MGLL: variants seen among roughly 807,000 people sequenced by gnomAD.
MGLL encodes the protein lysophospholipase homolog.
A neutral mutation model predicts 29.1 loss-of-function variants in MGLL; 7 were observed. The observed-to-expected ratio is 0.24, with a 90% confidence interval of 0.14 to 0.45. The LOEUF (loss-of-function observed/expected upper bound fraction) is 0.45, where lower values mean the gene tolerates loss of function less well. Ranked by LOEUF, MGLL falls within the 20% of genes least tolerant of loss-of-function variation. The probability of loss-of-function intolerance (pLI) is 0.99; values close to 1 mark genes in which losing one functional copy is unlikely to be tolerated. For synonymous variants in MGLL, 148 were observed against 168.3 expected, an observed-to-expected ratio of 0.88 and a Z score of 0.93; for missense variants, 356 against 413.6, an observed-to-expected ratio of 0.86 and a Z score of 1.21.
In MGLL at chr3:127,721,297, G is replaced by T. The variant is rs569450829; in HGVS notation, c.400-134C>A. On this transcript the variant is annotated intron_variant, in intron 4 of 7. Coordinates refer to ENST00000265052, the MANE Select transcript of MGLL (RefSeq NM_007283.7). Reference sequence around the variant, plus strand: ...CCTGAGGAGGACTACCTTGGAAGAGGCACCATCAAATGTTGGCTAAACTAG... The same window carrying T: ...CCTGAGGAGGACTACCTTGGAAGAGTCACCATCAAATGTTGGCTAAACTAG... 1.7e-4 allele frequency: 118 copies of T among 714,328 alleles called. No homozygotes were observed. In the African/African-American group the frequency reaches 2.0e-3, roughly 12 times the overall value. 44.2% of individuals were successfully genotyped at this position (714,328 alleles called of 1,614,324 possible). A position where few individuals can be genotyped will look rare whatever the true frequency, so the allele number is the denominator to read the frequency against.
At chr3:127,711,672 G>A (rs1477699048) in intron 5 of MGLL, 1 of 152,066 alleles carries the variant, frequency 6.6e-6, no homozygotes, top group African/African-American at 2.4e-5. Flanking sequence ...AGAGGGCAAG[G>A]GCACTCACAG....
intron 2 of MGLL, among the ~76,000 whole-genome samples, chr3:127,797,798 G>A (rs139301283): frequency 6.6e-6 from 1 of 152,118 alleles, no homozygotes; most frequent in African/African-American, 2.4e-5. Context: ...GTAGAGACAG[G>A]GTTTCACCAT....
intron 6 of MGLL, among the ~76,000 whole-genome samples, chr3:127,702,320 G>T (rs562125902): frequency 2.0e-5 from 3 of 152,324 alleles, no homozygotes; most frequent in Non-Finnish European, 4.4e-5. Context: ...TGCCTGCAGG[G>T]TGGCAGAGGG....
intron 3 of MGLL, among the ~76,000 whole-genome samples, chr3:127,726,442 T>G (rs1415941026): frequency 6.6e-6 from 1 of 152,106 alleles, no homozygotes; most frequent in Non-Finnish European, 1.5e-5. Context: ...TTTTTTTTTA[T>G]TTTTTATTTT....
intron 6 of MGLL, among the ~76,000 whole-genome samples, chr3:127,697,284 G>A (rs1043990618): frequency 1.3e-5 from 2 of 152,230 alleles, no homozygotes; most frequent in Non-Finnish European, 2.9e-5. Flanking sequence ...ACCAACAGCA[G>A]CGCCATCTAC....
chr3:127,743,429 T>A (rs1223144634), intron 3 of MGLL, among the ~76,000 whole-genome samples: 1 of 152,150 alleles, frequency 6.6e-6, no homozygotes, highest in Non-Finnish European at 1.5e-5. Context: ...CAGGGCATTA[T>A]ATACCAAAGT....
chr3:127,722,677 C>T, intron 3 of MGLL, 111 bp from the exon 4 acceptor site: 3 of 1,442,222 alleles, frequency 2.1e-6, no homozygotes, highest in South Asian at 2.4e-5. Context: ...CTGAATGTGT[C>T]ACCTCATTTA....
In MGLL at chr3:127,765,138, C is replaced by T. The variant is rs567686078; in HGVS notation, c.262+16651G>A. On this transcript the variant is annotated intron_variant, in intron 3 of 7. Coordinates refer to ENST00000265052, the MANE Select transcript of MGLL (RefSeq NM_007283.7). ...CCACAGCAAATAGCATCCCTGGTGC[C>T]GAGAAGAATTTCATTTCCTAGAATT... 7.9e-5 allele frequency among the ~76,000 whole-genome samples: 12 copies of T among 152,258 alleles called. No individual in the cohort carries two copies. The East Asian group carries it at 1.7e-3, about 22-fold the overall frequency.
intron 7 of MGLL, 110 bp downstream of exon 7, chr3:127,694,865 T>C (rs2075325548): frequency 5.7e-6 from 6 of 1,046,972 alleles, no homozygotes; most frequent in South Asian, 1.3e-5. Flanking sequence ...GTCCCTATCC[T>C]GAGACCTGGG....
At chr3:127,822,079 C>T (rs888580442) in intron 1 of MGLL, 10 of 649,336 alleles carry the variant, frequency 1.5e-5, no homozygotes, top group Non-Finnish European at 1.6e-5. Flanking sequence ...AGTTTTTCCC[C>T]CTTCCCATCT....
At chr3:127,752,303 T>C (rs188746929) in intron 3 of MGLL, among the ~76,000 whole-genome samples, 2 of 152,364 alleles carry the variant, frequency 1.3e-5, no homozygotes, top group East Asian at 3.9e-4. Context: ...TTCACCATGT[T>C]GGCCAGGCTG....
chr3:127,796,665 C>T (rs986068012), intron 2 of MGLL, among the ~76,000 whole-genome samples: 21 of 152,290 alleles, frequency 1.4e-4, no homozygotes, highest in African/African-American at 4.1e-4. Context: ...CTGCAGCCAA[C>T]GGTGCCCTAT....
intron 6 of MGLL, among the ~76,000 whole-genome samples, chr3:127,703,120 T>C (rs1429096270): frequency 6.6e-6 from 1 of 152,230 alleles, no homozygotes; most frequent in Non-Finnish European, 1.5e-5. Context: ...GGATTCCTTC[T>C]GCAGGGCTTC....
Position 127,821,726 on chromosome 3 carries a change from G to T in MGLL, c.123C>A (p.Phe41Leu). ...HLVNADGQYL[F>L]CRYWKPTGTP... ...TGCCTGTGGGTTTCCAGTACCTGCA[G>T]AAGAGGTACTGTCCGTCTGCATTGA... The change falls in exon 2 of 8, where the codon TTC (phenylalanine) becomes TTA (leucine). Residue 41 changes from phenylalanine (F) to leucine (L), a missense_variant. By Grantham distance (22) the Phe-to-Leu change is conservative (BLOSUM62 0). Transcript: ENST00000265052. 1 of 1,614,152 alleles carries T rather than the reference G, an allele frequency of 6.2e-7. No individual in the cohort carries two copies.
At chr3:127,765,765 G>A (rs1184451284) in intron 3 of MGLL, among the ~76,000 whole-genome samples, 4 of 152,252 alleles carry the variant, frequency 2.6e-5, no homozygotes, top group Admixed American at 6.5e-5. Context: ...GCATGTGGCC[G>A]CATCGCTCCA....
chr3:127,738,287 T>C (rs902437876), intron 3 of MGLL, among the ~76,000 whole-genome samples: 11 of 148,806 alleles, frequency 7.4e-5, no homozygotes, highest in Non-Finnish European at 1.2e-4. Context: ...GGTGACAGAG[T>C]GAGATTCTGT....
intron 2 of MGLL, among the ~76,000 whole-genome samples, chr3:127,784,537 C>T (rs1576287027): frequency 6.6e-6 from 1 of 152,184 alleles, no homozygotes; most frequent in African/African-American, 2.4e-5. Context: ...CAGATATAGC[C>T]GTCCCACTGC....
intron 3 of MGLL, among the ~76,000 whole-genome samples, chr3:127,768,806 A>G (rs144041306): frequency 2.7e-4 from 41 of 152,320 alleles, no homozygotes; most frequent in African/African-American, 8.7e-4. Flanking sequence ...ACCCCTGGGC[A>G]GTGATTCTAG....
intron 2 of MGLL, among the ~76,000 whole-genome samples, chr3:127,802,441 C>T (rs1032266212): frequency 1.3e-5 from 2 of 152,180 alleles, no homozygotes; most frequent in African/African-American, 4.8e-5. Context: ...CTTTCCCATC[C>T]TCCTGTAATC....
Sources: allele counts gnomAD v4.1 joint callset (sites outside exome capture counted in the v4.1 genomes callset), GRCh38; gene constraint gnomAD v4.1.1; transcripts MANE v1.5; gene names NCBI Gene and HGNC (gene_info 2026-07-23, HGNC 2026-07-21).